The following PLXDC2 variants were observed in gnomAD, a reference collection of about 807,000 sequenced individuals.
PLXDC2 encodes the protein plexin domain-containing protein 2.
Under a neutral mutation model 68.9 loss-of-function variants are expected in PLXDC2, and 40 were observed. That is an observed-to-expected ratio of 0.58 (90% CI 0.45 to 0.76). The LOEUF is 0.76. Ranked by LOEUF, PLXDC2 falls within the 30% of genes least tolerant of loss-of-function variation. The pLI is 0.00. For missense variants in PLXDC2, 644 were observed against 661.9 expected (o/e 0.97, Z 0.30); for synonymous variants, 243 against 234.2 (o/e 1.04, Z -0.34).
intron 1 of PLXDC2, among the ~76,000 whole-genome samples, chr10:19,992,677 A>G (rs977207062): frequency 6.6e-6 from 1 of 152,194 alleles, no homozygotes; most frequent in Non-Finnish European, 1.5e-5. Context: ...TACTTCCCAA[A>G]TATTTCAAGA....
chr10:19,919,826 A>T (rs984658220), intron 1 of PLXDC2, among the ~76,000 whole-genome samples: 1 of 152,196 alleles, frequency 6.6e-6, no homozygotes, highest in Non-Finnish European at 1.5e-5. Context: ...TGTAAAAGTT[A>T]CTATGTTTAG....
chr10:20,110,144 A>T (rs1248968543), intron 4 of PLXDC2, among the ~76,000 whole-genome samples: 1 of 152,230 alleles, frequency 6.6e-6, no homozygotes, highest in African/African-American at 2.4e-5. Context: ...CAGGAAGAAG[A>T]CAAAGCTGGA....
intron 4 of PLXDC2, among the ~76,000 whole-genome samples, chr10:20,123,784 A>G (rs1027534740): frequency 1.3e-5 from 2 of 151,882 alleles, no homozygotes; most frequent in African/African-American, 4.8e-5. Flanking sequence ...GGATTGGGGC[A>G]CAGAGATATA....
At chr10:20,135,229 T>A (rs2131780394) in intron 4 of PLXDC2, among the ~76,000 whole-genome samples, 1 of 152,312 alleles carries the variant, frequency 6.6e-6, no homozygotes, top group African/African-American at 2.4e-5. Flanking sequence ...GGTTCTATTT[T>A]GATAGAGGAA....
chr10:19,834,200 T>TGAAACCTAGAAGAG (rs1044217347), intron 1 of PLXDC2, among the ~76,000 whole-genome samples: 1 of 152,230 alleles, frequency 6.6e-6, no homozygotes, highest in African/African-American at 2.4e-5. Flanking sequence ...CTTCTGCATT[T>TGAAACCTAGAAGAG]GAAACCTAGA....
At chr10:19,970,701 C>G (rs1038663493) in intron 1 of PLXDC2, among the ~76,000 whole-genome samples, 6 of 152,098 alleles carry the variant, frequency 3.9e-5, no homozygotes, top group African/African-American at 9.7e-5. Flanking sequence ...ATTCTCAAAT[C>G]CTCAATTGTG....
intron 13 of PLXDC2, among the ~76,000 whole-genome samples, chr10:20,249,378 C>G (rs560774532): frequency 6.7e-4 from 102 of 152,328 alleles, no homozygotes; most frequent in African/African-American, 2.4e-3. Context: ...ATAACACACA[C>G]TTGTCTTACA....
chr10:19,820,764 C>T (rs924682257), intron 1 of PLXDC2, among the ~76,000 whole-genome samples: 5 of 151,694 alleles, frequency 3.3e-5, no homozygotes, highest in African/African-American at 1.2e-4. Context: ...GATCAACAGC[C>T]TTGATCATGG....
chr10:19,902,187 T>G (rs1838172196), intron 1 of PLXDC2, among the ~76,000 whole-genome samples: 1 of 152,078 alleles, frequency 6.6e-6, no homozygotes, highest in Non-Finnish European at 1.5e-5. Context: ...TTTTAGGATT[T>G]TTTTTTCTAG....
intron 1 of PLXDC2, among the ~76,000 whole-genome samples, chr10:19,982,288 T>G: frequency 6.6e-6 from 1 of 152,344 alleles, no homozygotes; most frequent in Non-Finnish European, 1.5e-5. Flanking sequence ...CCCTGAATGG[T>G]CCCGTGTGAC....
intron 1 of PLXDC2, among the ~76,000 whole-genome samples, chr10:19,962,846 C>T (rs1290961287): frequency 2.7e-5 from 4 of 150,364 alleles, no homozygotes; most frequent in Admixed American, 6.6e-5. Context: ...CAAAATTAGC[C>T]GGGCTTGGTG....
intron 1 of PLXDC2, among the ~76,000 whole-genome samples, chr10:19,989,013 TG>T (rs1408402847): frequency 6.6e-6 from 1 of 151,900 alleles, no homozygotes; most frequent in Non-Finnish European, 1.5e-5. Flanking sequence ...CCAGTGTGGC[TG>T]GTCTCAAACT....
chr10:19,944,168 G>A lies in PLXDC2; in HGVS notation c.113-57607G>A, dbSNP rs532300547. Among the ~76,000 whole-genome samples, 194 of 152,208 alleles carry A rather than the reference G, an allele frequency of 1.3e-3. 1 individual carries two copies. The highest frequency in any genetic ancestry group is 3.9e-3 in the African/African-American group (162 of 41,526). On this transcript the variant is annotated intron_variant, in intron 1 of 13. Coordinates refer to ENST00000377252, the MANE Select transcript of PLXDC2 (RefSeq NM_032812.9). ...TTCTCGAGTTTTCTTGCAGTCTGAT[G>A]GTAGTAAATATTCTCCCGAAGAATA...
At chr10:20,201,160 A>T (rs1271287233) in intron 9 of PLXDC2, among the ~76,000 whole-genome samples, 1 of 152,092 alleles carries the variant, frequency 6.6e-6, no homozygotes, top group African/African-American at 2.4e-5. Context: ...GATGAAGAAA[A>T]TGTAGTGTAT....
At chr10:19,942,745 T>A (rs1322046664) in intron 1 of PLXDC2, among the ~76,000 whole-genome samples, 1 of 151,998 alleles carries the variant, frequency 6.6e-6, no homozygotes, top group Admixed American at 6.6e-5. Context: ...CCAACCTGAG[T>A]GATAGAGCAA....
chr10:19,869,476 G>GC (rs1446646412), intron 1 of PLXDC2, among the ~76,000 whole-genome samples: 1 of 123,862 alleles, frequency 8.1e-6, no homozygotes, highest in Non-Finnish European at 1.7e-5. Flanking sequence ...AAAGGGGGGG[G>GC]GGGGAGAGGG....
intron 4 of PLXDC2, among the ~76,000 whole-genome samples, chr10:20,093,878 T>C (rs1833313898): frequency 6.6e-6 from 1 of 151,978 alleles, no homozygotes. Context: ...TTTCACCCTG[T>C]TGCTCAGGCT....
At chr10:20,243,832 G>A (rs942222732) in intron 12 of PLXDC2, among the ~76,000 whole-genome samples, 1 of 152,218 alleles carries the variant, frequency 6.6e-6, no homozygotes, top group Admixed American at 6.5e-5. Context: ...GCCGAGGTGG[G>A]TGAATCACTT....
intron 1 of PLXDC2, among the ~76,000 whole-genome samples, chr10:19,858,850 A>G (rs1837265171): frequency 6.6e-6 from 1 of 152,124 alleles, no homozygotes; most frequent in African/African-American, 2.4e-5. Flanking sequence ...GCTATAAAGA[A>G]ATACTTAAGG....
Sources: gnomAD v4.1 joint callset for allele counts (sites outside exome capture counted in the v4.1 genomes callset) on GRCh38, gnomAD v4.1.1 for gene constraint, MANE v1.5 for transcripts, NCBI Gene and HGNC (gene_info 2026-07-23, HGNC 2026-07-21) for gene names.